Variants in MAF observed in about 807,000 individuals in gnomAD.
The protein encoded by MAF is MAF bZIP transcription factor, also known as transcription factor Maf.
MAF carries 10 observed loss-of-function variants against 22.0 expected under a neutral mutation model. The ratio of observed to expected loss-of-function variants is 0.45; its 90% CI spans 0.28 to 0.77. MAF has a LOEUF of 0.77. Ranked by LOEUF, MAF falls within the 30% of genes least tolerant of loss-of-function variation. MAF has a pLI of 0.12. For synonymous variants in MAF, 337 were observed against 255.8 expected (o/e 1.32, Z -3.03); for missense variants, 544 against 548.4 (o/e 0.99, Z 0.08).
At chr16:79,384,850 G>C in the MAF span, among the ~76,000 whole-genome samples, 1 of 152,246 alleles carries the variant, frequency 6.6e-6, no homozygotes, top group Non-Finnish European at 1.5e-5. Flanking sequence ...TGTCCTCCAG[G>C]GGTTGACCAG....
the MAF span, among the ~76,000 whole-genome samples, chr16:79,501,925 C>T: frequency 6.6e-6 from 1 of 152,182 alleles, no homozygotes; most frequent in Non-Finnish European, 1.5e-5. Flanking sequence ...GCTTGAAGGG[C>T]ATCTCTTAAC....
the MAF span, among the ~76,000 whole-genome samples, chr16:79,311,126 G>C: frequency 6.6e-6 from 1 of 151,546 alleles, no homozygotes; most frequent in Admixed American, 6.6e-5. Flanking sequence ...ATTTCTACCT[G>C]GGTTCCCTTC....
At chr16:79,402,084 G>C in the MAF span, among the ~76,000 whole-genome samples, 1 of 152,174 alleles carries the variant, frequency 6.6e-6, no homozygotes, top group Non-Finnish European at 1.5e-5. Flanking sequence ...GTTCAATTCA[G>C]ACTCTGTCAT....
At chr16:79,572,606 G>A in the MAF span, among the ~76,000 whole-genome samples, 3 of 152,192 alleles carry the variant, frequency 2.0e-5, no homozygotes, top group Admixed American at 6.5e-5. Flanking sequence ...GGCAGAAGTG[G>A]CTTCAGAGGA....
the MAF span, among the ~76,000 whole-genome samples, chr16:79,354,626 G>A: frequency 1.3e-5 from 2 of 152,172 alleles, no homozygotes; most frequent in African/African-American, 2.4e-5. Flanking sequence ...TCCTTGTAGG[G>A]ACAAAAGGGA....
At chr16:79,567,320 GAA>G in the MAF span, among the ~76,000 whole-genome samples, 97 of 147,524 alleles carry the variant, frequency 6.6e-4, no homozygotes, top group African/African-American at 2.3e-3. Flanking sequence ...CTCCACCTCA[GAA>G]AAAAAAAAAT....
the MAF span, among the ~76,000 whole-genome samples, chr16:79,560,274 A>G: frequency 6.6e-6 from 1 of 152,172 alleles, no homozygotes; most frequent in Non-Finnish European, 1.5e-5. Flanking sequence ...CTTTGGAGAC[A>G]TTATTGGTTA....
chr16:79,452,543 T>C, the MAF span, among the ~76,000 whole-genome samples: 91 of 152,164 alleles, frequency 6.0e-4, no homozygotes, highest in Non-Finnish European at 8.5e-4. Flanking sequence ...ATAAGATGAC[T>C]TTTTTTCAGT....
chr16:79,416,944 T>C, the MAF span, among the ~76,000 whole-genome samples: 3 of 152,226 alleles, frequency 2.0e-5, no homozygotes, highest in Non-Finnish European at 2.9e-5. Context: ...ACAATCATAA[T>C]TATTCTTATT....
At chr16:79,453,716 G>C in the MAF span, among the ~76,000 whole-genome samples, 4 of 152,216 alleles carry the variant, frequency 2.6e-5, no homozygotes, top group Admixed American at 6.5e-5. Flanking sequence ...GCTATCTTGA[G>C]GGTGATTTGA....
the MAF span, among the ~76,000 whole-genome samples, chr16:79,254,365 C>T: frequency 6.6e-6 from 1 of 152,124 alleles, no homozygotes; most frequent in African/African-American, 2.4e-5. Flanking sequence ...GGGCATCTCT[C>T]TATGACTTCA....
chr16:79,420,582 A>G, the MAF span, among the ~76,000 whole-genome samples: 5 of 151,902 alleles, frequency 3.3e-5, no homozygotes, highest in African/African-American at 1.2e-4. Flanking sequence ...CTCCCGCACC[A>G]GAGTGGTGCA....
chr16:79,328,351 G>A, the MAF span, among the ~76,000 whole-genome samples: 82 of 152,238 alleles, frequency 5.4e-4, no homozygotes, highest in South Asian at 0.015. Context: ...GCAACTTGAG[G>A]CATTTAGGGC....
At chr16:79,343,387 A>G in the MAF span, among the ~76,000 whole-genome samples, 4 of 152,202 alleles carry the variant, frequency 2.6e-5, no homozygotes, top group Admixed American at 1.3e-4. Flanking sequence ...GAAAAGATGC[A>G]ACGAGCATAT....
the MAF span, among the ~76,000 whole-genome samples, chr16:79,517,568 C>CTT: frequency 1.6e-3 from 155 of 99,748 alleles, no homozygotes; most frequent in African/African-American, 2.4e-3. Flanking sequence ...ACTGTTTAGT[C>CTT]TTTTTTTTTT....
the MAF span, among the ~76,000 whole-genome samples, chr16:79,392,727 G>T: frequency 1.3e-5 from 2 of 152,170 alleles, no homozygotes; most frequent in Non-Finnish European, 2.9e-5. Flanking sequence ...ACACCGCCAT[G>T]CTGAGTAGGT....
the MAF span, among the ~76,000 whole-genome samples, chr16:79,355,402 C>T: frequency 6.6e-6 from 1 of 152,200 alleles, no homozygotes; most frequent in African/African-American, 2.4e-5. Flanking sequence ...AAGTACAGCC[C>T]AGCGGAGTCA....
At chr16:79,343,022 C>G in the MAF span, among the ~76,000 whole-genome samples, 1 of 152,082 alleles carries the variant, frequency 6.6e-6, no homozygotes, top group Admixed American at 6.6e-5. Context: ...GAAAAAAAGT[C>G]CTCTTGACAC....
At chr16:79,264,914 T>C in the MAF span, among the ~76,000 whole-genome samples, 47,338 of 151,928 alleles carry the variant, frequency 0.31, 7,893 homozygotes, top group African/African-American at 0.4. Context: ...CAGGAGACAC[T>C]CAGAGACTTG....
Sources: allele counts gnomAD v4.1 joint callset (sites outside exome capture counted in the v4.1 genomes callset), GRCh38; gene constraint gnomAD v4.1.1; transcripts MANE v1.5; gene names NCBI Gene and HGNC (gene_info 2026-07-23, HGNC 2026-07-21).